ABLIM1: variants seen among roughly 807,000 people sequenced by gnomAD.
ABLIM1 encodes actin-binding LIM protein 1.
ABLIM1 carries 40 observed loss-of-function variants against 107.0 expected under a neutral mutation model. The ratio of observed to expected loss-of-function variants is 0.37; its 90% CI spans 0.29 to 0.49. ABLIM1 has a LOEUF of 0.49. Ranked by LOEUF, ABLIM1 falls within the 20% of genes least tolerant of loss-of-function variation. The pLI is 0.97. For missense variants in ABLIM1, 857 were observed against 1,008.5 expected, an observed-to-expected ratio of 0.85 and a Z score of 2.04; for synonymous variants, 357 against 357.3, an observed-to-expected ratio of 1.00 and a Z score of 0.01.
chr10:114,612,996 C>A (rs1385046577), intron 1 of ABLIM1, among the ~76,000 whole-genome samples: 1 of 152,200 alleles, frequency 6.6e-6, no homozygotes, highest in African/African-American at 2.4e-5. Context: ...ATTGAGGTGT[C>A]TCTTTGTGGC....
chr10:114,554,330 A>AT (rs1350744410), intron 4 of ABLIM1, among the ~76,000 whole-genome samples: 1 of 152,156 alleles, frequency 6.6e-6, no homozygotes, highest in Non-Finnish European at 1.5e-5. Context: ...TCTGAAATGG[A>AT]TGGGGGAAGA....
chr10:114,733,948 C>T (rs1414049018), intron 1 of ABLIM1, among the ~76,000 whole-genome samples: 2 of 152,020 alleles, frequency 1.3e-5, no homozygotes, highest in Non-Finnish European at 2.9e-5. Flanking sequence ...GCAATCTCTG[C>T]CTCCCAGATT....
chr10:114,585,353 A>G (rs1402650669), intron 2 of ABLIM1, among the ~76,000 whole-genome samples: 1 of 152,174 alleles, frequency 6.6e-6, no homozygotes, highest in Non-Finnish European at 1.5e-5. Flanking sequence ...TCCAGGCACA[A>G]GAGACAGCCC....
chr10:114,637,856 G>A lies in ABLIM1; in HGVS notation c.244+20101C>T, dbSNP rs1342257136. ...TAGTTCTCTGAATTATTTGGGAAAA[G>A]GCCATTTTTAAAAACAGTTTACTAC... On this transcript the variant is annotated intron_variant, in intron 1 of 22. Coordinates refer to ENST00000533213, the MANE Select transcript of ABLIM1 (RefSeq NM_002313.7). 2.0e-5 allele frequency among the ~76,000 whole-genome samples: 3 copies of A among 152,152 alleles called. No homozygotes were observed. The East Asian group carries it at 5.8e-4, about 29-fold the overall frequency.
rs533497355 is a variant in ABLIM1, at chr10:114,690,709, T to C, written c.-213+77352A>G. On this transcript the variant is annotated intron_variant, in intron 1 of 15. Coordinates refer to the ABLIM1 transcript ENST00000651092. ...GCCTATTTTTTTTTTTGAGATGGAG[T>C]CTTGCTTTGTTGCCCAAGCTGGAGT... 6.7e-6 allele frequency: 3 copies of C among 445,698 alleles called. No individual in the cohort carries two copies. The Admixed American group carries it at 1.0e-4, about 16-fold the overall frequency. The allele number at this position is 445,698 out of a possible 1,614,324, so 27.6% of individuals were successfully genotyped here.
chr10:114,723,847 T>C (rs1200734783), intron 1 of ABLIM1, among the ~76,000 whole-genome samples: 1 of 152,222 alleles, frequency 6.6e-6, no homozygotes, highest in Non-Finnish European at 1.5e-5. Flanking sequence ...AGAGATTCAA[T>C]TATCTTTCCT....
intron 1 of ABLIM1, among the ~76,000 whole-genome samples, chr10:114,729,811 G>C (rs808354): frequency 0.057 from 8,676 of 152,110 alleles, 332 homozygotes; most frequent in Middle Eastern, 0.092. Flanking sequence ...TACAATTACT[G>C]GGTAAAAAAT....
At position 114,444,151 on chromosome 10, in the gene ABLIM1, G is replaced by C; in HGVS notation, c.1828-17C>G. On this transcript the variant is annotated splice_polypyrimidine_tract_variant and intron_variant, in intron 16 of 22. Transcript: ENST00000533213. The stretch of plus-strand genomic sequence containing the variant: ...TGAGTTAAGCTATTCACAGAAAAAA[G>C]GAAAAAAAAAAAAAAAAGAAAGCAA... The C allele has an allele frequency of 8.1e-7, 1 of 1,239,202 alleles. No individual in the cohort carries two copies. Among genetic ancestry groups the C allele is most frequent in the Non-Finnish European group, 1.1e-6 (1 of 948,796 alleles). The allele number at this position is 1,239,202 out of a possible 1,614,324, so 76.8% of individuals were successfully genotyped here.
chr10:114,492,345 GCTATAGTAAAATACATCAT>G (rs1346466839), intron 6 of ABLIM1, among the ~76,000 whole-genome samples: 1 of 152,158 alleles, frequency 6.6e-6, no homozygotes, highest in African/African-American at 2.4e-5. Context: ...GGTGAGAAAA[GCTATAGTAAAATACATCAT>G]CCACTGTTTT....
chr10:114,716,679 G>A (rs2141998306), intron 1 of ABLIM1, among the ~76,000 whole-genome samples: 1 of 152,162 alleles, frequency 6.6e-6, no homozygotes, highest in East Asian at 1.9e-4. Flanking sequence ...CCAAAGATTT[G>A]GGAATCTGAG....
chr10:114,491,971 A>G (rs1004469716), intron 6 of ABLIM1, 93 bp from the exon 7 acceptor site: 1 of 1,078,300 alleles, frequency 9.3e-7, no homozygotes, highest in Non-Finnish European at 1.3e-6. Context: ...AAAAGAGAGG[A>G]TGCTGAAAAA....
intron 6 of ABLIM1, among the ~76,000 whole-genome samples, chr10:114,542,526 A>T (rs371122874): frequency 1.4e-4 from 22 of 151,764 alleles, no homozygotes; most frequent in African/African-American, 4.8e-4. Flanking sequence ...GAAGGAAGAA[A>T]GGAAGAAGGA....
intron 1 of ABLIM1, among the ~76,000 whole-genome samples, chr10:114,612,756 A>T (rs1297878848): frequency 2.0e-5 from 3 of 152,240 alleles, no homozygotes; most frequent in Non-Finnish European, 4.4e-5. Context: ...CAAGAGAGCC[A>T]CATCCATCCT....
At chr10:114,560,141 T>A (rs1474541528) in intron 4 of ABLIM1, among the ~76,000 whole-genome samples, 1 of 152,166 alleles carries the variant, frequency 6.6e-6, no homozygotes, top group Non-Finnish European at 1.5e-5. Context: ...CCCCTTAAAA[T>A]GTACCAAGAC....
At position 114,707,707 on chromosome 10, in the gene ABLIM1, C is replaced by T. The variant is rs1050183743; in HGVS notation, c.-213+60354G>A. Reference sequence around the variant, plus strand: ...TTAAGGCCAGGAGTTCGAGACCAACCTGGACAACATGGTGAAAACACGGTC... The same window carrying T: ...TTAAGGCCAGGAGTTCGAGACCAACTTGGACAACATGGTGAAAACACGGTC... On this transcript the variant is annotated intron_variant, in intron 1 of 15. Transcript: ENST00000651092. The surrounding 1 kb of genome is among the most constrained non-coding windows in gnomAD (Gnocchi z 4.1). 1.3e-5 allele frequency among the ~76,000 whole-genome samples: 2 copies of T among 151,996 alleles called. No individual in the cohort carries two copies. The highest frequency in any genetic ancestry group is 2.9e-5 in the Non-Finnish European group (2 of 68,010).
At chr10:114,700,497 C>T (rs1028541739) in intron 1 of ABLIM1, among the ~76,000 whole-genome samples, 59 of 150,302 alleles carry the variant, frequency 3.9e-4, no homozygotes, top group East Asian at 1.9e-4. Flanking sequence ...TTAAAACACA[C>T]ACACACACAC....
At chr10:114,620,231 G>C (rs1277267736) in intron 1 of ABLIM1, among the ~76,000 whole-genome samples, 1 of 152,156 alleles carries the variant, frequency 6.6e-6, no homozygotes, top group Non-Finnish European at 1.5e-5. Flanking sequence ...GGTAAGTATT[G>C]CTTCATGTGA....
chr10:114,784,271 G>A, the ABLIM1 span, among the ~76,000 whole-genome samples: 1 of 151,512 alleles, frequency 6.6e-6, no homozygotes, highest in Non-Finnish European at 1.5e-5. Context: ...GCTTGAACCT[G>A]GGAGGCGGAA....
intron 4 of ABLIM1, among the ~76,000 whole-genome samples, chr10:114,559,731 C>G (rs1431130315): frequency 6.6e-6 from 1 of 152,154 alleles, no homozygotes; most frequent in Non-Finnish European, 1.5e-5. Flanking sequence ...TATCTTTTTG[C>G]AGGGAGACAG....
Sources: gnomAD v4.1 joint callset for allele counts (sites outside exome capture counted in the v4.1 genomes callset) on GRCh38, gnomAD v4.1.1 for gene constraint, Gnocchi (gnomAD v3.1) non-coding constraint, MANE v1.5 for transcripts, NCBI Gene and HGNC (gene_info 2026-07-23, HGNC 2026-07-21) for gene names.